SLC7A2: variants seen among roughly 807,000 people sequenced by gnomAD.
SLC7A2 encodes the protein cationic amino acid transporter 2.
In SLC7A2, 48 loss-of-function variants were observed where a neutral mutation model predicts 58.9. That is an observed-to-expected ratio of 0.82 (90% confidence interval 0.65 to 1.04). The LOEUF is 1.04. SLC7A2 is among the 50% of genes least tolerant of loss of function. The pLI is 0.00. For missense variants in SLC7A2, 1,029 were observed against 818.8 expected, an observed-to-expected ratio of 1.26 and a Z score of -3.13; for synonymous variants, 363 against 314.5, an observed-to-expected ratio of 1.15 and a Z score of -1.63.
At chr8:17,558,643 A>G (rs1363834654) in intron 9 of SLC7A2, among the ~76,000 whole-genome samples, 1 of 152,262 alleles carries the variant, frequency 6.6e-6, no homozygotes, top group Non-Finnish European at 1.5e-5. Flanking sequence ...CATAATGTCT[A>G]ACGACACTTA....
intron 2 of SLC7A2, among the ~76,000 whole-genome samples, chr8:17,515,851 T>C (rs2150677096): frequency 6.6e-6 from 1 of 152,332 alleles, no homozygotes; most frequent in East Asian, 1.9e-4. Context: ...TGTCCTCTGT[T>C]TTAAGTAATG....
At chr8:17,509,142 C>G (rs540773823) in intron 2 of SLC7A2, among the ~76,000 whole-genome samples, 1 of 151,998 alleles carries the variant, frequency 6.6e-6, no homozygotes, top group Non-Finnish European at 1.5e-5. Flanking sequence ...ATGGGCCTTT[C>G]CTTCATCATG....
At chr8:17,521,214 C>G (rs1335869486) in intron 2 of SLC7A2, among the ~76,000 whole-genome samples, 1 of 152,014 alleles carries the variant, frequency 6.6e-6, no homozygotes, top group Non-Finnish European at 1.5e-5. Flanking sequence ...AGAGGGAGGT[C>G]AAATAAATGT....
At chr8:17,543,239 A>G in intron 2 of SLC7A2, 79 bp from the exon 3 acceptor site, 1 of 1,285,508 alleles carries the variant, frequency 7.8e-7, no homozygotes, top group Non-Finnish European at 1.1e-6. Flanking sequence ...CACATACTCT[A>G]ATTGTGCCTG....
At chr8:17,531,121 C>A (rs1585217922) in intron 2 of SLC7A2, among the ~76,000 whole-genome samples, 1 of 152,134 alleles carries the variant, frequency 6.6e-6, no homozygotes, top group South Asian at 2.1e-4. Flanking sequence ...TGGTGTAATT[C>A]AGAGCCTAAG....
intron 4 of SLC7A2, among the ~76,000 whole-genome samples, chr8:17,546,831 T>C (rs1802194921): frequency 6.6e-6 from 1 of 152,158 alleles, no homozygotes; most frequent in Non-Finnish European, 1.5e-5. Context: ...ATTTGCTCAA[T>C]GGTAAAAGAT....
chr8:17,550,712 G>C (rs530108887), intron 6 of SLC7A2, among the ~76,000 whole-genome samples: 4 of 152,266 alleles, frequency 2.6e-5, no homozygotes, highest in Admixed American at 2.0e-4. Flanking sequence ...TTTGCCAGCT[G>C]TTGATTACTT....
rs1337234173 is a variant in SLC7A2 at position 17,564,934 on chromosome 8, T to C, written c.1781-16T>C. The C allele has an allele frequency of 1.1e-5, 17 of 1,554,586 alleles. No individual in the cohort carries two copies. Among genetic ancestry groups the C allele is most frequent in the African/African-American group, 1.4e-5 (1 of 72,002 alleles). ...CATACCTGAAACATTGATTTTTTTT[T>C]TTCCTGCCCCAACAGGCTTCCTGAT... On this transcript the variant is annotated splice_polypyrimidine_tract_variant and intron_variant, in intron 12 of 12. Transcript: ENST00000494857.
chr8:17,528,058 G>A (rs556956343), intron 2 of SLC7A2, among the ~76,000 whole-genome samples: 5 of 152,244 alleles, frequency 3.3e-5, no homozygotes, highest in Admixed American at 2.6e-4. Context: ...CCAGGAAGAA[G>A]AAACAACAGT....
At chr8:17,503,232 A>G (rs1045056767) in intron 2 of SLC7A2, among the ~76,000 whole-genome samples, 5 of 151,850 alleles carry the variant, frequency 3.3e-5, no homozygotes, top group South Asian at 2.1e-4. Context: ...TTGTATTTCT[A>G]GTAGAGACGG....
chr8:17,560,427 C>T lies in SLC7A2; in HGVS notation c.1398C>T (p.Val466=), dbSNP rs371966379. ...PRVTSKSESQ[V]TMLQRQGFSM... is the part of the protein sequence containing the mutation. Reference sequence around the variant, plus strand: ...TAACCTCGAAGAGTGAGTCCCAGGTCACCATGCTGCAGAGACAGGGCTTCA... The same window carrying T: ...TAACCTCGAAGAGTGAGTCCCAGGTTACCATGCTGCAGAGACAGGGCTTCA... Residue 466 remains valine, a synonymous_variant, in exon 10 of 13, where the codon GTC becomes GTT. Transcript: ENST00000494857. The T allele has an allele frequency of 1.2e-6, 2 of 1,613,960 alleles. No homozygotes were observed. The highest frequency in any genetic ancestry group is 2.7e-5 in the African/African-American group (2 of 74,922).
At chr8:17,538,431 A>G (rs143762096) in intron 2 of SLC7A2, among the ~76,000 whole-genome samples, 4 of 152,322 alleles carry the variant, frequency 2.6e-5, no homozygotes, top group Middle Eastern at 3.4e-3. Flanking sequence ...TTAAGTACTG[A>G]ATGCCAAGTT....
chr8:17,550,266 A>C (rs376209754), intron 5 of SLC7A2, 35 bp from the exon 6 acceptor site: 12 of 1,603,914 alleles, frequency 7.5e-6, no homozygotes, highest in Non-Finnish European at 9.4e-6. Context: ...TTTTCTGTCA[A>C]AGTGACTTTC....
rs1277444459 is a variant in SLC7A2, at chr8:17,550,218, C to T, written c.699-83C>T. 9 of 1,310,686 alleles carry T rather than the reference C, an allele frequency of 6.9e-6. No individual in the cohort carries two copies. The Admixed American group carries it at 1.0e-4, about 15-fold the overall frequency. 81.2% of individuals were successfully genotyped at this position (1,310,686 alleles called of 1,614,324 possible). On this transcript the variant is annotated intron_variant, in intron 5 of 12. Transcript: ENST00000494857. Reference sequence around the variant, plus strand: ...AAGAGCTAATAAACACAACCACCTTCCAAGGATATAGTCTGAGAAAAGTCA... The same window carrying T: ...AAGAGCTAATAAACACAACCACCTTTCAAGGATATAGTCTGAGAAAAGTCA...
intron 1 of SLC7A2, among the ~76,000 whole-genome samples, chr8:17,498,423 T>C (rs1800032962): frequency 1.3e-5 from 2 of 152,248 alleles, no homozygotes; most frequent in South Asian, 2.1e-4. Flanking sequence ...AGGAGATGTA[T>C]AAGATGTGAA....
chr8:17,551,262 C>T (rs922921580), intron 6 of SLC7A2, among the ~76,000 whole-genome samples: 9 of 152,002 alleles, frequency 5.9e-5, no homozygotes, highest in African/African-American at 1.9e-4. Context: ...CGGATTTTTA[C>T]GTAATAAGAA....
Position 17,564,924 on chromosome 8 carries a change from G to A in SLC7A2, c.1781-26G>A, listed in dbSNP as rs776460916. ...CATTTTCTGACATACCTGAAACATT[G>A]ATTTTTTTTTTTCCTGCCCCAACAG... On this transcript the variant is annotated intron_variant, in intron 12 of 12. Transcript: ENST00000494857. 5 of 1,503,608 alleles carry A rather than the reference G, an allele frequency of 3.3e-6. No individual in the cohort carries two copies. In the South Asian group the frequency reaches 6.3e-5, roughly 19 times the overall value. The allele number at this position is 1,503,608 out of a possible 1,614,324, so 93.1% of individuals were successfully genotyped here.
At chr8:17,517,428 A>G (rs1800846002) in intron 2 of SLC7A2, among the ~76,000 whole-genome samples, 1 of 152,230 alleles carries the variant, frequency 6.6e-6, no homozygotes, top group Admixed American at 6.5e-5. Context: ...AACTGGATAA[A>G]TTGTAAAATG....
intron 12 of SLC7A2, among the ~76,000 whole-genome samples, chr8:17,564,414 G>C (rs923586126): frequency 2.6e-5 from 4 of 152,140 alleles, no homozygotes; most frequent in African/African-American, 9.7e-5. Flanking sequence ...CATTCTACCA[G>C]GAAAATATTG....
Sources: gnomAD v4.1 joint callset for allele counts (sites outside exome capture counted in the v4.1 genomes callset) on GRCh38, gnomAD v4.1.1 for gene constraint, MANE v1.5 for transcripts, NCBI Gene and HGNC (gene_info 2026-07-23, HGNC 2026-07-21) for gene names.